LRRIQ1: variants seen among roughly 807,000 people sequenced by gnomAD.
LRRIQ1 encodes the protein leucine rich repeats and IQ motif containing 1.
In LRRIQ1, 210 loss-of-function variants were observed where a neutral mutation model predicts 211.9. That is an observed-to-expected ratio of 0.99 (90% CI 0.89 to 1.11). The LOEUF (loss-of-function observed/expected upper bound fraction) is 1.11, where lower values mean the gene tolerates loss of function less well. Among genes scored for constraint, LRRIQ1 ranks in the 50% most tolerant of loss-of-function variants. The probability of loss-of-function intolerance (pLI) is 0.00; values close to 1 mark genes in which losing one functional copy is unlikely to be tolerated. For missense variants in LRRIQ1, 2,136 were observed against 1,939.5 expected (o/e 1.10, Z -1.90); for synonymous variants, 699 against 650.1 (o/e 1.08, Z -1.14).
chr12:85,226,058 T>C (rs868779471), intron 24 of LRRIQ1, among the ~76,000 whole-genome samples: 26 of 152,288 alleles, frequency 1.7e-4, no homozygotes, highest in African/African-American at 6.3e-4. Flanking sequence ...TAATAAGAAT[T>C]GGATCCTTAT....
chr12:85,050,143 G>A (rs1215448136), intron 6 of LRRIQ1, among the ~76,000 whole-genome samples: 2 of 152,080 alleles, frequency 1.3e-5, no homozygotes, highest in Non-Finnish European at 2.9e-5. Flanking sequence ...ACCTTCATAA[G>A]GGACCTGCTC....
At position 85,225,241 on chromosome 12, in the gene LRRIQ1, A is replaced by C. The variant is rs139358161; in HGVS notation, c.4823-4276A>C. 6.3e-3 allele frequency among the ~76,000 whole-genome samples: 956 copies of C among 152,302 alleles called. 7 individuals carry two copies. Among genetic ancestry groups the C allele is most frequent in the African/African-American group, 0.022 (922 of 41,572 alleles). On this transcript the variant is annotated intron_variant, in intron 24 of 26. Coordinates refer to ENST00000393217, the MANE Select transcript of LRRIQ1 (RefSeq NM_001079910.2). Reference sequence around the variant, plus strand: ...AATGTACCTAGGAGGATGTTCACAGATTATAAGCAAATGCCATTTCCTATC... The same window carrying C: ...AATGTACCTAGGAGGATGTTCACAGCTTATAAGCAAATGCCATTTCCTATC...
rs772453622 is a variant in LRRIQ1 at position 85,124,566 on chromosome 12, T to G, written c.4007+47T>G. ...TCTTTTATAGATGTATGTTTACTCC[T>G]TTTGATGGATGATATTAGTCAATGG... On this transcript the variant is annotated intron_variant, in intron 17 of 26. Coordinates refer to ENST00000393217, the MANE Select transcript of LRRIQ1 (RefSeq NM_001079910.2). The G allele has an allele frequency of 2.0e-5, 28 of 1,382,642 alleles. No individual in the cohort carries two copies. In the East Asian group the frequency reaches 5.9e-4, roughly 29 times the overall value. The allele number at this position is 1,382,642 out of a possible 1,614,324, so 85.6% of individuals were successfully genotyped here.
chr12:85,234,563 C>T (rs985024034), intron 26 of LRRIQ1, among the ~76,000 whole-genome samples: 1 of 151,998 alleles, frequency 6.6e-6, no homozygotes, highest in South Asian at 2.1e-4. Context: ...ACAGAGCTGA[C>T]TAAAGGACCA....
At chr12:85,193,683 G>A (rs1247470412) in intron 24 of LRRIQ1, among the ~76,000 whole-genome samples, 1 of 151,820 alleles carries the variant, frequency 6.6e-6, no homozygotes, top group Non-Finnish European at 1.5e-5. Context: ...CACTAAACAT[G>A]GAAAGGAACA....
At chr12:85,050,960 C>T (rs1880237698) in intron 6 of LRRIQ1, among the ~76,000 whole-genome samples, 1 of 152,304 alleles carries the variant, frequency 6.6e-6, no homozygotes, top group South Asian at 2.1e-4. Flanking sequence ...CTCACATGGT[C>T]ATTTCCGATG....
intron 26 of LRRIQ1, among the ~76,000 whole-genome samples, chr12:85,236,127 G>T (rs1895162370): frequency 6.6e-6 from 1 of 152,006 alleles, no homozygotes; most frequent in African/African-American, 2.4e-5. Context: ...AATTCAGAAG[G>T]TTCAAAGATC....
chr12:85,197,020 C>T (rs1212346801), intron 24 of LRRIQ1, among the ~76,000 whole-genome samples: 4 of 150,970 alleles, frequency 2.6e-5, no homozygotes, highest in East Asian at 1.9e-4. Flanking sequence ...GGGCGAAGGA[C>T]ATGAACAGAC....
At chr12:85,157,763 A>T (rs573109661) in intron 23 of LRRIQ1, among the ~76,000 whole-genome samples, 1 of 151,812 alleles carries the variant, frequency 6.6e-6, no homozygotes, top group Non-Finnish European at 1.5e-5. Flanking sequence ...GTGCTCAGAG[A>T]GAATGGGGTC....
intron 15 of LRRIQ1, among the ~76,000 whole-genome samples, chr12:85,111,964 ACACACTCT>A (rs1484216134): frequency 2.7e-5 from 4 of 150,114 alleles, no homozygotes; most frequent in Non-Finnish European, 3.0e-5. Flanking sequence ...ACACACACAC[ACACACTCT>A]CTCTCTCAAT....
intron 25 of LRRIQ1, among the ~76,000 whole-genome samples, chr12:85,230,849 A>C (rs906392712): frequency 1.3e-5 from 2 of 152,022 alleles, no homozygotes; most frequent in Admixed American, 6.6e-5. Flanking sequence ...GGAGATCGAA[A>C]CCATCCTGGC....
intron 18 of LRRIQ1, among the ~76,000 whole-genome samples, chr12:85,132,234 T>C (rs191059731): frequency 3.6e-4 from 55 of 151,928 alleles, no homozygotes; most frequent in Admixed American, 6.6e-4. Flanking sequence ...ATTATGTTGA[T>C]ATTTTAAAAA....
chr12:85,195,050 T>C (rs1423415583), intron 24 of LRRIQ1, among the ~76,000 whole-genome samples: 2 of 152,056 alleles, frequency 1.3e-5, no homozygotes, highest in African/African-American at 4.8e-5. Flanking sequence ...AACACCTCTA[T>C]GCAAATAAAC....
chr12:85,125,707 T>C (rs1888328681), intron 17 of LRRIQ1, among the ~76,000 whole-genome samples: 1 of 152,214 alleles, frequency 6.6e-6, no homozygotes, highest in Admixed American at 6.5e-5. Context: ...TTAATATTTA[T>C]CAAAAGTGGC....
chr12:85,098,878 G>A lies in LRRIQ1; in HGVS notation c.3093G>A (p.Leu1031=). Residue 1031 remains leucine (L), a synonymous_variant, in exon 13 of 27, where the codon TTG becomes TTA. Transcript: ENST00000393217. The part of the protein sequence containing the change: ...QGNYLSELPS[L]ENLVLLRELH... ...AAATTTAAATATAGCTTCCATCCTT[G>A]GAGAATCTTGTTTTACTAAGAGAAT... The A allele has an allele frequency of 1.3e-6, 2 of 1,554,082 alleles. No individual in the cohort carries two copies. The highest frequency in any genetic ancestry group is 1.9e-5 in the Admixed American group (1 of 52,378).
intron 11 of LRRIQ1, among the ~76,000 whole-genome samples, chr12:85,079,882 G>A (rs1248014566): frequency 3.3e-5 from 5 of 151,902 alleles, no homozygotes; most frequent in African/African-American, 1.2e-4. Context: ...TAGAAAAGAT[G>A]ACTATACCAA....
At position 85,124,117 on chromosome 12, in the gene LRRIQ1, A is replaced by G; in HGVS notation, c.3605A>G (p.Lys1202Arg). The G allele has an allele frequency of 6.2e-7, 1 of 1,613,926 alleles. No individual in the cohort carries two copies. The highest frequency in any genetic ancestry group is 8.5e-7 in the Non-Finnish European group (1 of 1,179,864). Residue 1202 changes from lysine to arginine, a missense_variant, in exon 17 of 27, where the codon AAG becomes AGG. By Grantham distance (26) the Lys-to-Arg change is conservative. Transcript: ENST00000393217. ...GCAGAAAATCTCTGTCATTATTTTA[A>G]GAAATTGATGATACTTAGTACTGAA... Reference protein sequence around the residue: ...DTAENLCHYFKKLMILSTEYR... With the variant: ...DTAENLCHYFRKLMILSTEYR...
At chr12:85,100,612 T>G (rs1012185893) in intron 13 of LRRIQ1, among the ~76,000 whole-genome samples, 1 of 151,676 alleles carries the variant, frequency 6.6e-6, no homozygotes, top group Non-Finnish European at 1.5e-5. Context: ...GTAAAATTAT[T>G]GTATAATATA....
chr12:85,151,642 A>G (rs1182370114), intron 19 of LRRIQ1, among the ~76,000 whole-genome samples: 4 of 151,666 alleles, frequency 2.6e-5, no homozygotes, highest in African/African-American at 9.7e-5. Context: ...GTAAATTTGG[A>G]AATTCCATAA....
Sources: gnomAD v4.1 joint callset for allele counts (sites outside exome capture counted in the v4.1 genomes callset) on GRCh38, gnomAD v4.1.1 for gene constraint, MANE v1.5 for transcripts, NCBI Gene and HGNC (gene_info 2026-07-23, HGNC 2026-07-21) for gene names.